DNAH10: variants seen among roughly 807,000 people sequenced by gnomAD.
DNAH10 encodes dynein axonemal heavy chain 10, also known as axonemal beta dynein heavy chain 10.
Under a neutral mutation model 506.6 loss-of-function variants are expected in DNAH10, and 348 were observed. The ratio of observed to expected loss-of-function variants is 0.69; its 90% CI spans 0.63 to 0.75. DNAH10 has a LOEUF of 0.75. Ranked by LOEUF, DNAH10 falls within the 30% of genes least tolerant of loss-of-function variation. The pLI, the probability that DNAH10 is intolerant of heterozygous loss-of-function variation, is 0.00. For missense variants in DNAH10, 5,179 were observed against 5,787.1 expected (o/e 0.89, Z 3.41); for synonymous variants, 2,059 against 2,198.6 (o/e 0.94, Z 1.78).
intron 4 of DNAH10, among the ~76,000 whole-genome samples, chr12:123,773,526 A>G (rs1957332680): frequency 1.3e-5 from 2 of 152,220 alleles, no homozygotes; most frequent in Admixed American, 1.3e-4. Flanking sequence ...CTTCACCAAC[A>G]AACATCTATT....
chr12:123,782,911 G>A (rs549529930), intron 6 of DNAH10, among the ~76,000 whole-genome samples, 196 bp from the exon 7 acceptor site: 33 of 152,188 alleles, frequency 2.2e-4, no homozygotes, highest in South Asian at 2.1e-4. Flanking sequence ...GCTTAACACC[G>A]GAACAATTAT....
chr12:123,876,998 C>T (rs1254576807), intron 47 of DNAH10, among the ~76,000 whole-genome samples: 1 of 152,154 alleles, frequency 6.6e-6, no homozygotes, highest in African/African-American at 2.4e-5. Context: ...TTATTATAGC[C>T]ATTTTAAAGT....
Position 123,850,357 on chromosome 12 carries a change from G to T in DNAH10, c.6103-531G>T, listed in dbSNP as rs1951109440. On this transcript the variant is annotated intron_variant, in intron 34 of 78. Coordinates refer to ENST00000673944, the MANE Select transcript of DNAH10 (RefSeq NM_001372106.1). This position sits in a 1 kb window ranked among gnomAD's most constrained non-coding sequence, Gnocchi z 5.5. ...GGAATGAAGACTGGTTTCTTGAGGG[G>T]TTTGAGGTGGGATTCTTTAGGCAGG... Among the ~76,000 whole-genome samples the T allele has an allele frequency of 6.6e-6, 1 of 152,240 alleles. No individual in the cohort carries two copies. The highest frequency in any genetic ancestry group is 1.5e-5 in the Non-Finnish European group (1 of 68,024).
intron 11 of DNAH10, among the ~76,000 whole-genome samples, chr12:123,791,033 G>A (rs2136222333): frequency 6.6e-6 from 1 of 152,254 alleles, no homozygotes; most frequent in African/African-American, 2.4e-5. Context: ...GAGCTGAGGT[G>A]GGAGGATCCC....
At position 123,826,715 on chromosome 12, in the gene DNAH10, T is replaced by C. The variant is rs750104931; in HGVS notation, c.4208T>C (p.Leu1403Pro). ...KVAKEEWSQTLWINLNVQILQ... is the reference protein window; with the variant it reads ...KVAKEEWSQTPWINLNVQILQ... ...GCAAAAGAAGAATGGTCTCAGACCC[T>C]TTGGATCAACCTGAATGTGCAGATT... Residue 1403 changes from leucine (L) to proline (P), a missense_variant, in exon 25 of 79, where the codon CTT (leucine) becomes CCT (proline). This residue lies in a region of DNAH10 where 4,844 missense variants were observed against 5,430.5 expected (regional missense o/e 0.89). Coordinates refer to ENST00000673944, the MANE Select transcript of DNAH10 (RefSeq NM_001372106.1). The C allele has an allele frequency of 1.9e-6, 3 of 1,613,766 alleles. No individual in the cohort carries two copies. The Admixed American group carries it at 5.0e-5, about 27-fold the overall frequency.
In DNAH10 at chr12:123,848,331, C is replaced by T. The variant is rs146626765; in HGVS notation, c.5949+236C>T. Among the ~76,000 whole-genome samples the T allele has an allele frequency of 5.9e-5, 9 of 152,292 alleles. 1 individual carries two copies. The highest frequency in any genetic ancestry group is 1.9e-4 in the African/African-American group (8 of 41,562). ...CTAGTAGGGTCAGGTTGATAATGTA[C>T]GTGAGTAAAGCGGCCAGCAGACAAG... is the stretch of plus-strand genomic sequence containing the variant. On this transcript the variant is annotated intron_variant, in intron 33 of 78. Coordinates refer to ENST00000673944, the MANE Select transcript of DNAH10 (RefSeq NM_001372106.1).
At chr12:123,803,583 A>T in intron 16 of DNAH10, 78 bp from the exon 17 acceptor site, 1 of 1,356,628 alleles carries the variant, frequency 7.4e-7, no homozygotes, top group Non-Finnish European at 9.7e-7. Flanking sequence ...GCCAGTATTA[A>T]CATCACAGAC....
At chr12:123,826,095 GCCTGGGTGGCAGCGAGAC>G (rs1959958169) in intron 24 of DNAH10, among the ~76,000 whole-genome samples, 1 of 151,962 alleles carries the variant, frequency 6.6e-6, no homozygotes, top group African/African-American at 2.4e-5. Context: ...TTGCACTACA[GCCTGGGTGGCAGCGAGAC>G]CCTGTCTCCA....
chr12:123,844,273 C>T (rs1950871527), intron 30 of DNAH10, among the ~76,000 whole-genome samples: 1 of 152,220 alleles, frequency 6.6e-6, no homozygotes, highest in African/African-American at 2.4e-5. Context: ...GTCCTTCCCT[C>T]AACACCTGGG....
intron 26 of DNAH10, among the ~76,000 whole-genome samples, chr12:123,831,762 C>T (rs1004811525): frequency 2.7e-5 from 4 of 148,486 alleles, no homozygotes; most frequent in South Asian, 2.1e-4. Flanking sequence ...GGTGTGGTGC[C>T]GGGTGTGGTG....
rs1954540231 is a variant in DNAH10 at position 123,917,604 on chromosome 12, G to A, written c.11023G>A (p.Asp3675Asn). 6.4e-7 allele frequency: 1 copy of A among 1,551,480 alleles called. No homozygotes were observed. The highest frequency in any genetic ancestry group is 8.7e-7 in the Non-Finnish European group (1 of 1,147,022). Residue 3675 changes from aspartate (D) to asparagine (N), a missense_variant, in exon 64 of 79, where the codon GAC (aspartate) becomes AAC (asparagine). Physicochemically the swap from Asp to Asn is conservative, Grantham distance 23 (BLOSUM62 1). This residue lies in a region of DNAH10 where 4,844 missense variants were observed against 5,430.5 expected (regional missense o/e 0.89). Coordinates refer to ENST00000673944, the MANE Select transcript of DNAH10 (RefSeq NM_001372106.1). The surrounding 1 kb of genome is among the most constrained non-coding windows in gnomAD (Gnocchi z 5.6). Reference protein sequence around the residue: ...NYTVTLKGLEDQLLSVLVAYE... With the variant: ...NYTVTLKGLENQLLSVLVAYE... ...CACAGTCACGCTGAAGGGCCTGGAGGACCAGCTGCTGAGCGTGCTGGTGGC... is the reference window on the plus strand; with the variant it reads ...CACAGTCACGCTGAAGGGCCTGGAGAACCAGCTGCTGAGCGTGCTGGTGGC...
rs554738209 is a variant in DNAH10, at chr12:123,926,586, G to A, written c.11922-51G>A. The A allele has an allele frequency of 3.2e-6, 5 of 1,582,284 alleles. No homozygotes were observed. In the South Asian group the frequency reaches 5.7e-5, roughly 18 times the overall value. The stretch of plus-strand genomic sequence containing the variant: ...CGCTGATCAGACAGACCAGCCCCTG[G>A]TCTGGAGCTGTCCTCGCGGGAGAGT... On this transcript the variant is annotated intron_variant, in intron 68 of 78. Transcript: ENST00000673944. The surrounding 1 kb of genome is among the most constrained non-coding windows in gnomAD (Gnocchi z 4.1).
Position 123,902,836 on chromosome 12 carries a change from G to A in DNAH10, c.9641-103G>A. 1 of 1,406,910 alleles carries A rather than the reference G, an allele frequency of 7.1e-7. No homozygotes were observed. The highest frequency in any genetic ancestry group is 9.4e-7 in the Non-Finnish European group (1 of 1,059,432). 87.2% of individuals were successfully genotyped at this position (1,406,910 alleles called of 1,614,324 possible). ...GCCAGAGCCCCTTAGATCCCCGCTA[G>A]GGCTCAAGCCAACCTTTGAGGACTG... On this transcript the variant is annotated intron_variant, in intron 56 of 78. Coordinates refer to ENST00000673944, the MANE Select transcript of DNAH10 (RefSeq NM_001372106.1). The surrounding 1 kb of genome is among the most constrained non-coding windows in gnomAD (Gnocchi z 4.5).
In DNAH10 at chr12:123,877,780, C is replaced by G. The variant is rs377105446; in HGVS notation, c.8244C>G (p.Phe2748Leu). The change falls in exon 48 of 79, where the codon TTC becomes TTG. Residue 2748 changes from phenylalanine to leucine, a missense_variant. By Grantham distance (22) the Phe-to-Leu change is conservative. This residue lies in a region of DNAH10 where 4,844 missense variants were observed against 5,430.5 expected (regional missense o/e 0.89). Coordinates refer to ENST00000673944, the MANE Select transcript of DNAH10 (RefSeq NM_001372106.1). ...TGGCTGTGAGTGGCAAGCTGACATT[C>G]TGCACGCTAGCACTTTACAAAAATA... ...SIVAVSGKLT[F>L]CTLALYKNIV... 1.2e-6 allele frequency: 2 copies of G among 1,613,716 alleles called. No individual in the cohort carries two copies. Among genetic ancestry groups the G allele is most frequent in the Non-Finnish European group, 1.7e-6 (2 of 1,179,848 alleles).
chr12:123,898,663 G>A lies in DNAH10; in HGVS notation c.9489G>A (p.Lys3163=). 6.3e-7 allele frequency: 1 copy of A among 1,582,156 alleles called. No homozygotes were observed. Among genetic ancestry groups the A allele is most frequent in the East Asian group, 2.3e-5 (1 of 43,162 alleles). ...GCCCTCTTTCCTCAGCTCAGTGCAA[G>A]CGTCTGGATGGGGGACTGGACAAGC... ...EKTQCNIAQC[K]RLDGGLDKLK... Residue 3163 remains lysine, a synonymous_variant, in exon 56 of 79, where the codon AAG becomes AAA. Transcript: ENST00000673944.
intron 47 of DNAH10, among the ~76,000 whole-genome samples, chr12:123,876,086 C>T (rs931311681): frequency 2.6e-5 from 4 of 152,194 alleles, no homozygotes; most frequent in African/African-American, 4.8e-5. Context: ...TCTGATCTGG[C>T]GTTTCCCTGC....
At position 123,864,575 on chromosome 12, in the gene DNAH10, C is replaced by T. The variant is rs1951731084; in HGVS notation, c.6909-20C>T. The T allele has an allele frequency of 1.9e-6, 3 of 1,612,594 alleles. No individual in the cohort carries two copies. In the African/African-American group the frequency reaches 4.0e-5, roughly 22 times the overall value. ...GAAGCTCTCTAGGACCCATGGCTCT[C>T]CTTTCTTTGGTTGCTGCAGGTATAT... On this transcript the variant is annotated intron_variant, in intron 39 of 78. Coordinates refer to ENST00000673944, the MANE Select transcript of DNAH10 (RefSeq NM_001372106.1).
At position 123,826,883 on chromosome 12, in the gene DNAH10, A is replaced by C. The variant is rs1386598105; in HGVS notation, c.4376A>C (p.Glu1459Ala). ...SIPLLLDLKN[E>A]ALRDRHWKEL... Reference sequence around the variant, plus strand: ...CCTTTACTTCTTGACTTGAAAAACGAGGCACTAAGAGACAGGTTTGTTTTG... The same window carrying C: ...CCTTTACTTCTTGACTTGAAAAACGCGGCACTAAGAGACAGGTTTGTTTTG... Residue 1459 changes from glutamate (E) to alanine (A), a missense_variant, in exon 25 of 79, where the codon GAG becomes GCG. Glu to Ala is a moderately radical substitution (Grantham distance 107). Transcript: ENST00000673944. 1 of 1,612,956 alleles carries C rather than the reference A, an allele frequency of 6.2e-7. No individual in the cohort carries two copies. The highest frequency in any genetic ancestry group is 8.5e-7 in the Non-Finnish European group (1 of 1,179,378).
At chr12:123,768,353 T>C (rs1957127223) in intron 2 of DNAH10, among the ~76,000 whole-genome samples, 1 of 152,166 alleles carries the variant, frequency 6.6e-6, no homozygotes. Flanking sequence ...CAGGCTGGTC[T>C]TGAACTCCCG....
Sources: gnomAD v4.1 joint callset for allele counts (sites outside exome capture counted in the v4.1 genomes callset) on GRCh38, gnomAD v4.1.1 for gene constraint, gnomAD v4.1.1 regional missense constraint, Gnocchi (gnomAD v3.1) non-coding constraint, MANE v1.5 for transcripts, NCBI Gene and HGNC (gene_info 2026-07-23, HGNC 2026-07-21) for gene names.